Variants in DOCK9 observed in about 807,000 individuals in gnomAD.
DOCK9 encodes dedicator of cytokinesis 9, also known as dedicator of cytokinesis protein 9.
Under a neutral mutation model 263.3 loss-of-function variants are expected in DOCK9, and 89 were observed. The ratio of observed to expected loss-of-function variants is 0.34; its 90% CI spans 0.28 to 0.40. The LOEUF is 0.40. Among genes scored for constraint, DOCK9 ranks in the 10% least tolerant of loss-of-function variants. The pLI, the probability that DOCK9 is intolerant of heterozygous loss-of-function variation, is 1.00. For missense variants in DOCK9, 2,140 were observed against 2,603.4 expected (o/e 0.82, Z 3.87); for synonymous variants, 976 against 973.1 (o/e 1.00, Z -0.06).
upstream of DOCK9, among the ~76,000 whole-genome samples, chr13:98,982,740 T>C (rs1209764208): frequency 6.6e-6 from 1 of 152,214 alleles, no homozygotes; most frequent in Non-Finnish European, 1.5e-5. Flanking sequence ...GGCAGAAGCT[T>C]TCAATTGCTT....
chr13:99,058,573 C>T (rs1458184532), intron 1 of DOCK9, among the ~76,000 whole-genome samples: 1 of 152,138 alleles, frequency 6.6e-6, no homozygotes, highest in Non-Finnish European at 1.5e-5. Context: ...TGCCCTAATG[C>T]TGCACCTCTT....
At chr13:99,080,027 G>A (rs1454140125) in intron 1 of DOCK9, among the ~76,000 whole-genome samples, 6 of 152,168 alleles carry the variant, frequency 3.9e-5, no homozygotes, top group African/African-American at 1.4e-4. Context: ...GTGACAGAGT[G>A]AGACTCCATC....
At chr13:99,008,228 A>ATTTT (rs1355762469) in intron 1 of DOCK9, among the ~76,000 whole-genome samples, 4 of 118,038 alleles carry the variant, frequency 3.4e-5, no homozygotes, top group Admixed American at 9.4e-5. Flanking sequence ...ATATATATAT[A>ATTTT]TATATATTTT....
Position 98,863,409 on chromosome 13 carries a change from C to T in DOCK9, c.3426G>A (p.Leu1142=). 2 of 1,613,898 alleles carry T rather than the reference C, an allele frequency of 1.2e-6. No homozygotes were observed. The highest frequency in any genetic ancestry group is 8.5e-7 in the Non-Finnish European group (1 of 1,179,876). Reference sequence around the variant, plus strand: ...TGTCATCAAAAGAATGCTTTATCAGCAGGTTCTTGAGCACACTGATGGCGA... The same window carrying T: ...TGTCATCAAAAGAATGCTTTATCAGTAGGTTCTTGAGCACACTGATGGCGA... ...RLIAISVLKN[L]LIKHSFDDRY... is the part of the protein sequence containing the mutation. The change falls in exon 31 of 53, where the codon CTG becomes CTA. Residue 1142 remains leucine, a synonymous_variant. Coordinates refer to ENST00000682017, the MANE Select transcript of DOCK9 (RefSeq NM_001366683.2).
At chr13:99,085,377 C>G (rs1008467057) in intron 1 of DOCK9, among the ~76,000 whole-genome samples, 1 of 152,252 alleles carries the variant, frequency 6.6e-6, no homozygotes, top group African/African-American at 2.4e-5. Context: ...GAGCTCGCTC[C>G]TGCTCAAACG....
intron 50 of DOCK9, among the ~76,000 whole-genome samples, chr13:98,800,051 G>A (rs2089922731): frequency 6.6e-6 from 1 of 152,152 alleles, no homozygotes; most frequent in South Asian, 2.1e-4. Flanking sequence ...AATCAGGGTA[G>A]TGTATGAGAT....
At chr13:98,798,625 A>G (rs2089734534) in intron 50 of DOCK9, among the ~76,000 whole-genome samples, 1 of 152,254 alleles carries the variant, frequency 6.6e-6, no homozygotes, top group Non-Finnish European at 1.5e-5. Context: ...AAGGTCTAAT[A>G]GCAAGATCTT....
intron 1 of DOCK9, among the ~76,000 whole-genome samples, chr13:99,072,239 A>G (rs2041710928): frequency 6.6e-6 from 1 of 152,094 alleles, no homozygotes; most frequent in East Asian, 1.9e-4. Flanking sequence ...ATGATGTTCT[A>G]TTTGGGTTGT....
rs376494449 is a variant in DOCK9 at position 98,863,404 on chromosome 13, A to C, written c.3431T>G (p.Ile1144Arg). 14 of 1,613,884 alleles carry C rather than the reference A, an allele frequency of 8.7e-6. No homozygotes were observed. In the African/African-American group the frequency reaches 1.7e-4, roughly 20 times the overall value. Reference sequence around the variant, plus strand: ...ATATCTGTCATCAAAAGAATGCTTTATCAGCAGGTTCTTGAGCACACTGAT... The same window carrying C: ...ATATCTGTCATCAAAAGAATGCTTTCTCAGCAGGTTCTTGAGCACACTGAT... The part of the protein sequence containing the change: ...IAISVLKNLL[I>R]KHSFDDRYAS... The change falls in exon 31 of 53, where the codon ATA becomes AGA. Residue 1144 changes from isoleucine (I) to arginine (R), a missense_variant. Physicochemically the swap from Ile to Arg is moderately conservative, Grantham distance 97 (BLOSUM62 -3). Transcript: ENST00000682017.
At chr13:98,950,025 GAAATCC>G (rs1376549613) in intron 2 of DOCK9, 2 of 478,866 alleles carry the variant, frequency 4.2e-6, no homozygotes, top group Non-Finnish European at 8.0e-6. Flanking sequence ...CTTTAGATTG[GAAATCC>G]CCAGTTCACA....
chr13:98,973,799 T>C (rs1203067742), intron 1 of DOCK9, among the ~76,000 whole-genome samples: 1 of 152,290 alleles, frequency 6.6e-6, no homozygotes. Flanking sequence ...AGTTTCGCCA[T>C]GTTGCCCAAA....
intron 45 of DOCK9, among the ~76,000 whole-genome samples, chr13:98,813,742 C>A (rs1252721856): frequency 6.6e-6 from 1 of 152,080 alleles, no homozygotes; most frequent in African/African-American, 2.4e-5. Context: ...CGGGTTCAAG[C>A]GATTCTCTTG....
At position 98,940,256 on chromosome 13, in the gene DOCK9, G is replaced by A. The variant is rs554520682; in HGVS notation, c.244-9999C>T. The stretch of plus-strand genomic sequence containing the variant: ...AGGCAAGCGTTGCCTAAAGAGCCTC[G>A]ATGTTTAATTCCCTAATAATTAAGA... On this transcript the variant is annotated intron_variant, in intron 2 of 52. Transcript: ENST00000682017. Among the ~76,000 whole-genome samples the A allele has an allele frequency of 1.1e-4, 16 of 152,250 alleles. No homozygotes were observed. The East Asian group carries it at 1.5e-3, about 15-fold the overall frequency.
chr13:99,038,294 T>C lies in DOCK9; in HGVS notation c.129+47929A>G, dbSNP rs1170738312. Among the ~76,000 whole-genome samples the C allele has an allele frequency of 1.6e-3, 91 of 56,474 alleles. 1 individual carries two copies. The highest frequency in any genetic ancestry group is 5.1e-3 in the South Asian group (4 of 786). 37.0% of individuals were successfully genotyped at this position (56,474 alleles called of 152,430 possible). On this transcript the variant is annotated intron_variant, in intron 1 of 32. Coordinates refer to the DOCK9 transcript ENST00000427887. ...AAACTGGCTTTATGCCCCCCTTTTT[T>C]TTTTTTTTTTTTTTTTTTTTTTTTT...
intron 39 of DOCK9, chr13:98,834,361 C>A (rs1053250355): frequency 1.3e-5 from 2 of 152,190 alleles, no homozygotes; most frequent in Non-Finnish European, 1.5e-5. Flanking sequence ...TGCAGAAGAG[C>A]CATTTCTGTT....
At chr13:98,870,689 TGTGATGCAATA>T (rs902071435) in intron 27 of DOCK9, among the ~76,000 whole-genome samples, 24 of 152,080 alleles carry the variant, frequency 1.6e-4, no homozygotes, top group Admixed American at 1.2e-3. Context: ...TGCCTCCTGA[TGTGATGCAATA>T]GTAACAGCTA....
At chr13:99,086,711 G>GCGGGGCGGGGCGCC (rs1329901058), upstream of DOCK9, 2 of 146,590 alleles carry the variant, frequency 1.4e-5, no homozygotes, top group Non-Finnish European at 3.0e-5. Flanking sequence ...CGCGGCGCGG[G>GCGGGGCGGGGCGCC]CGGGGCGGGG....
intron 14 of DOCK9, among the ~76,000 whole-genome samples, chr13:98,897,831 A>G (rs577566124): frequency 1.7e-4 from 26 of 152,372 alleles, no homozygotes; most frequent in African/African-American, 5.3e-4. Context: ...CTTAGGAAAC[A>G]ATATACACAA....
chr13:98,858,292 C>T (rs1465776373), intron 33 of DOCK9: 2 of 152,190 alleles, frequency 1.3e-5, no homozygotes, highest in African/African-American at 4.8e-5. Flanking sequence ...AAAAGAAACC[C>T]TGAGCCTCAG....
Sources: allele counts gnomAD v4.1 joint callset (sites outside exome capture counted in the v4.1 genomes callset), GRCh38; gene constraint gnomAD v4.1.1; transcripts MANE v1.5; gene names NCBI Gene and HGNC (gene_info 2026-07-23, HGNC 2026-07-21).